The following GABRA2 variants were observed in gnomAD, a reference collection of about 807,000 sequenced individuals.
GABRA2 encodes the protein gamma-aminobutyric acid receptor subunit alpha-2.
Under a neutral mutation model 48.7 loss-of-function variants are expected in GABRA2, and 16 were observed. The observed-to-expected ratio is 0.33, with a 90% confidence interval of 0.22 to 0.50. The LOEUF (loss-of-function observed/expected upper bound fraction) is 0.50, where lower values mean the gene tolerates loss of function less well. GABRA2 is among the 20% of genes least tolerant of loss of function. GABRA2 has a pLI of 0.98. For synonymous variants in GABRA2, 185 were observed against 184.5 expected (o/e 1.00, Z -0.02); for missense variants, 275 against 535.6 (o/e 0.51, Z 4.80).
intron 3 of GABRA2, among the ~76,000 whole-genome samples, chr4:46,349,324 T>C (rs1261229443): frequency 3.3e-5 from 5 of 152,012 alleles, no homozygotes; most frequent in Middle Eastern, 3.4e-3. Context: ...TCTGTTTTTA[T>C]CTCCTTGTTG....
At chr4:46,273,387 T>TGTGTGC (rs1383173681) in intron 8 of GABRA2, among the ~76,000 whole-genome samples, 1 of 150,170 alleles carries the variant, frequency 6.7e-6, no homozygotes. Flanking sequence ...CCTCTGTGTG[T>TGTGTGC]GTGTGTGTGT....
At chr4:46,303,673 T>C in intron 7 of GABRA2, 61 bp from the exon 8 acceptor site, 1 of 1,457,628 alleles carries the variant, frequency 6.9e-7, no homozygotes, top group Admixed American at 1.8e-5. Flanking sequence ...ATTTAGGAAA[T>C]AGAAGGGATC....
intron 9 of GABRA2, among the ~76,000 whole-genome samples, chr4:46,253,063 T>C (rs1384445604): frequency 6.6e-6 from 1 of 151,396 alleles, no homozygotes; most frequent in African/African-American, 2.4e-5. Flanking sequence ...AGACAAATAT[T>C]TTGTTGAAGA....
At chr4:46,300,684 T>A (rs975365097) in intron 8 of GABRA2, among the ~76,000 whole-genome samples, 3 of 152,156 alleles carry the variant, frequency 2.0e-5, no homozygotes, top group Admixed American at 2.0e-4. Context: ...GTCTTCATTT[T>A]TTATTTTATT....
At chr4:46,310,107 G>C in intron 6 of GABRA2, 66 bp downstream of exon 6, 1 of 1,089,960 alleles carries the variant, frequency 9.2e-7, no homozygotes. Context: ...CTAGACAATT[G>C]AGCAGTGCTG....
At chr4:46,273,305 T>C (rs187393783) in intron 8 of GABRA2, among the ~76,000 whole-genome samples, 37 of 151,604 alleles carry the variant, frequency 2.4e-4, no homozygotes, top group Admixed American at 7.3e-4. Flanking sequence ...GTGGTTTTAT[T>C]TGGAAAGTTC....
intron 6 of GABRA2, among the ~76,000 whole-genome samples, chr4:46,306,242 C>T (rs1237557629): frequency 1.3e-5 from 2 of 152,188 alleles, no homozygotes; most frequent in Non-Finnish European, 2.9e-5. Flanking sequence ...TAACGCTATA[C>T]TTGCATCAAG....
chr4:46,246,098 GCTTA>G lies in GABRA2; in HGVS notation c.*4206_*4209del, dbSNP rs2109357698. Among the ~76,000 whole-genome samples the G allele has an allele frequency of 6.6e-6, 1 of 150,866 alleles. No homozygotes were observed. The highest frequency in any genetic ancestry group is 2.4e-5 in the African/African-American group (1 of 41,382). On this transcript the variant is annotated 3_prime_UTR_variant, in exon 10 of 10. Coordinates refer to ENST00000381620, the MANE Select transcript of GABRA2 (RefSeq NM_000807.4). ...TCTACTTTAGTATTTTAGTTATGAT[GCTTA>G]CTATGATAGAATAACGACTCTTAAA...
chr4:46,299,017 T>A (rs1340869970), intron 8 of GABRA2, among the ~76,000 whole-genome samples: 1 of 151,154 alleles, frequency 6.6e-6, no homozygotes, highest in Non-Finnish European at 1.5e-5. Flanking sequence ...GAATCATATA[T>A]TTATGATTAT....
rs1577722197 is a variant in GABRA2, at chr4:46,244,249, G to A, written c.*6059C>T. 2 of 151,620 alleles carry A rather than the reference G, an allele frequency of 1.3e-5. No individual in the cohort carries two copies. The highest frequency in any genetic ancestry group is 2.1e-4 in the South Asian group (1 of 4,822). The allele number at this position is 151,620 out of a possible 1,614,324, so 9.4% of individuals were successfully genotyped here. A position where few individuals can be genotyped will look rare whatever the true frequency, so the allele number is the denominator to read the frequency against. ...AATCAATTGCTTCAACGACTATGTC[G>A]AATATGTTAAAAATAAATTCTGAAC... On this transcript the variant is annotated 3_prime_UTR_variant, in exon 10 of 10. Transcript: ENST00000381620.
In GABRA2 at chr4:46,245,143, A is replaced by G. The variant is rs1379689943; in HGVS notation, c.*5165T>C. Among the ~76,000 whole-genome samples, 1 of 151,330 alleles carries G rather than the reference A, an allele frequency of 6.6e-6. No homozygotes were observed. The highest frequency in any genetic ancestry group is 1.5e-5 in the Non-Finnish European group (1 of 67,510). ...CCAGAGCTTCAAGAATCACACAGTG[A>G]TGATGGCTGCTGTGAGGACTGAATG... On this transcript the variant is annotated 3_prime_UTR_variant, in exon 10 of 10. Transcript: ENST00000381620.
chr4:46,273,502 C>CATATAT (rs71637683), intron 8 of GABRA2, among the ~76,000 whole-genome samples: 637 of 47,804 alleles, frequency 0.013, 5 homozygotes, highest in Admixed American at 0.039. Context: ...TATATATATG[C>CATATAT]ATATATATAT....
At chr4:46,361,557 A>T (rs557627672) in intron 3 of GABRA2, among the ~76,000 whole-genome samples, 1 of 152,314 alleles carries the variant, frequency 6.6e-6, no homozygotes, top group East Asian at 1.9e-4. Context: ...TGCTAGAACA[A>T]TGAGGAAGGG....
chr4:46,309,860 T>C (rs999739519), intron 6 of GABRA2, among the ~76,000 whole-genome samples: 2 of 152,102 alleles, frequency 1.3e-5, no homozygotes, highest in Admixed American at 6.6e-5. Context: ...ACATTTGAGT[T>C]TTTAATATTC....
intron 4 of GABRA2, among the ~76,000 whole-genome samples, chr4:46,318,916 C>A (rs1728989120): frequency 6.6e-6 from 1 of 151,644 alleles, no homozygotes; most frequent in Non-Finnish European, 1.5e-5. Context: ...AAATTCCTTA[C>A]AGGAAATTTA....
intron 3 of GABRA2, among the ~76,000 whole-genome samples, chr4:46,358,993 C>T (rs1184680960): frequency 6.6e-6 from 1 of 152,200 alleles, no homozygotes; most frequent in African/African-American, 2.4e-5. Context: ...ATTCCACCAT[C>T]ATAAACACAC....
intron 9 of GABRA2, among the ~76,000 whole-genome samples, chr4:46,253,693 C>A (rs578153002): frequency 6.6e-6 from 1 of 151,478 alleles, no homozygotes; most frequent in South Asian, 2.1e-4. Context: ...AAGCAAAGTA[C>A]AACAGCTATA....
intron 4 of GABRA2, among the ~76,000 whole-genome samples, chr4:46,318,740 G>T (rs279849): frequency 0.47 from 71,844 of 151,346 alleles, 17,624 homozygotes; most frequent in African/African-American, 0.59. Context: ...ACACAATGCA[G>T]TGGAGAATAC....
chr4:46,370,089 G>A (rs1295487222), intron 3 of GABRA2, among the ~76,000 whole-genome samples: 1 of 151,924 alleles, frequency 6.6e-6, no homozygotes, highest in Non-Finnish European at 1.5e-5. Context: ...AAAGTGAACA[G>A]AAGTCACTGG....
Sources: allele counts gnomAD v4.1 joint callset (sites outside exome capture counted in the v4.1 genomes callset), GRCh38; gene constraint gnomAD v4.1.1; transcripts MANE v1.5; gene names NCBI Gene and HGNC (gene_info 2026-07-23, HGNC 2026-07-21).